CADM2: variants seen among roughly 807,000 people sequenced by gnomAD.
CADM2 encodes cell adhesion molecule 2.
Under a neutral mutation model 49.8 loss-of-function variants are expected in CADM2, and 12 were observed. That is an observed-to-expected ratio of 0.24 (90% CI 0.15 to 0.39). The LOEUF (loss-of-function observed/expected upper bound fraction) is 0.39, where lower values mean the gene tolerates loss of function less well. Ranked by LOEUF, CADM2 falls within the 10% of genes least tolerant of loss-of-function variation. CADM2 has a pLI of 1.00. For missense variants in CADM2, 378 were observed against 492.3 expected, an observed-to-expected ratio of 0.77 and a Z score of 2.20; for synonymous variants, 214 against 175.4, an observed-to-expected ratio of 1.22 and a Z score of -1.74.
At chr3:85,828,577 T>G (rs1378658083) in intron 3 of CADM2, among the ~76,000 whole-genome samples, 1 of 151,954 alleles carries the variant, frequency 6.6e-6, no homozygotes, top group Non-Finnish European at 1.5e-5. Context: ...TACCTATGTC[T>G]ATATATCGTT....
intron 1 of CADM2, among the ~76,000 whole-genome samples, chr3:85,025,034 G>T (rs2034666786): frequency 6.6e-6 from 1 of 151,734 alleles, no homozygotes; most frequent in Non-Finnish European, 1.5e-5. Context: ...ATTTAAGCCA[G>T]GTTTTTCTAT....
At chr3:85,371,473 C>G (rs1407294077) in intron 1 of CADM2, among the ~76,000 whole-genome samples, 1 of 151,620 alleles carries the variant, frequency 6.6e-6, no homozygotes, top group African/African-American at 2.4e-5. Flanking sequence ...TAATAGGTTA[C>G]ACCATACAGC....
chr3:85,423,103 G>A lies in CADM2; in HGVS notation c.62-303419G>A, dbSNP rs75383946. Among the ~76,000 whole-genome samples the A allele has an allele frequency of 8.3e-4, 126 of 152,180 alleles. No homozygotes were observed. The East Asian group carries it at 0.022, about 26-fold the overall frequency. ...TGGAGAGGGGATGGAGTGGGAAAAT[G>A]ATCTTCCCCCGGAGTTCGGCCATCC... is the stretch of plus-strand genomic sequence containing the variant. On this transcript the variant is annotated intron_variant, in intron 1 of 9. Transcript: ENST00000383699.
intron 1 of CADM2, among the ~76,000 whole-genome samples, chr3:85,206,825 A>T (rs564790856): frequency 6.6e-6 from 1 of 152,214 alleles, no homozygotes; most frequent in East Asian, 1.9e-4. Flanking sequence ...CTTAAAATTT[A>T]TTAAATATTA....
chr3:85,240,817 T>A (rs903866865), intron 1 of CADM2, among the ~76,000 whole-genome samples: 2 of 151,574 alleles, frequency 1.3e-5, no homozygotes, highest in African/African-American at 4.8e-5. Context: ...TTTTGTCATC[T>A]TAACTTTTTC....
chr3:85,400,699 T>A (rs866244726), intron 1 of CADM2, among the ~76,000 whole-genome samples: 1 of 97,138 alleles, frequency 1.0e-5, no homozygotes, highest in South Asian at 3.9e-4. Context: ...TGTCCAGGAA[T>A]GTATCAGTTT....
chr3:85,392,336 C>T lies in CADM2; in HGVS notation c.62-334186C>T, dbSNP rs114259413. ...CTTGAGGCTTTTCTATCAATGCAGC[C>T]ACATAACTGTGTTGTTACACAGGCT... On this transcript the variant is annotated intron_variant, in intron 1 of 9. Coordinates refer to ENST00000383699, the MANE Select transcript of CADM2 (RefSeq NM_001167675.2). Among the ~76,000 whole-genome samples the T allele has an allele frequency of 9.0e-3, 1,369 of 152,020 alleles. 17 individuals are homozygous for T. The highest frequency in any genetic ancestry group is 0.03 in the African/African-American group (1,240 of 41,498).
At chr3:85,035,936 G>A (rs554042324) in intron 1 of CADM2, among the ~76,000 whole-genome samples, 19 of 152,192 alleles carry the variant, frequency 1.2e-4, no homozygotes, top group African/African-American at 3.4e-4. Flanking sequence ...ATAAATAATC[G>A]TAACTGCTGT....
At chr3:85,448,741 C>A (rs754415653) in intron 1 of CADM2, among the ~76,000 whole-genome samples, 10 of 152,008 alleles carry the variant, frequency 6.6e-5, no homozygotes, top group Non-Finnish European at 1.2e-4. Context: ...TCTCAAAATT[C>A]TCCACTTTTT....
chr3:85,886,268 C>T lies in CADM2; in HGVS notation c.470C>T (p.Thr157Ile), dbSNP rs1379546527. 6.2e-7 allele frequency: 1 copy of T among 1,613,754 alleles called. No homozygotes were observed. Among genetic ancestry groups the T allele is most frequent in the East Asian group, 2.2e-5 (1 of 44,846 alleles). The change falls in exon 5 of 10, where the codon ACA (threonine) becomes ATA (isoleucine). Residue 157 changes from threonine to isoleucine, a missense_variant. Physicochemically the swap from Thr to Ile is moderately conservative, Grantham distance 89 (BLOSUM62 -1). Coordinates refer to ENST00000383699, the MANE Select transcript of CADM2 (RefSeq NM_001167675.2). ...EGDLMQLTCK[T>I]SGSKPAADIR... Reference sequence around the variant, plus strand: ...GACTTGATGCAGCTGACTTGCAAAACATCTGGTAGTAAACCTGCAGCTGAT... The same window carrying T: ...GACTTGATGCAGCTGACTTGCAAAATATCTGGTAGTAAACCTGCAGCTGAT...
intron 1 of CADM2, among the ~76,000 whole-genome samples, chr3:85,154,002 A>G (rs2040017685): frequency 6.6e-6 from 1 of 152,190 alleles, no homozygotes; most frequent in Non-Finnish European, 1.5e-5. Flanking sequence ...AACAGAGCAG[A>G]AAAACTGGAA....
At chr3:85,004,865 A>G (rs1423574107) in intron 1 of CADM2, among the ~76,000 whole-genome samples, 2 of 152,178 alleles carry the variant, frequency 1.3e-5, no homozygotes, top group African/African-American at 4.8e-5. Context: ...GTCTTTTCAA[A>G]AGCTTTGTCT....
intron 8 of CADM2, among the ~76,000 whole-genome samples, chr3:86,009,209 A>G (rs1020211010): frequency 2.8e-5 from 4 of 143,402 alleles, no homozygotes; most frequent in African/African-American, 7.8e-5. Flanking sequence ...ATATATGTGT[A>G]TGTGTGTGTA....
intron 1 of CADM2, among the ~76,000 whole-genome samples, chr3:85,496,936 C>T (rs1205849622): frequency 6.6e-6 from 1 of 152,136 alleles, no homozygotes; most frequent in Non-Finnish European, 1.5e-5. Flanking sequence ...CTCCAACGCC[C>T]GGGCTCAAGG....
At chr3:85,574,267 G>A (rs1482370098) in intron 1 of CADM2, among the ~76,000 whole-genome samples, 1 of 152,238 alleles carries the variant, frequency 6.6e-6, no homozygotes, top group Non-Finnish European at 1.5e-5. Context: ...ACAAAGGATG[G>A]ATTTGCTTTA....
At chr3:86,066,629 C>T (rs768735742) in intron 9 of CADM2, 36 bp from the exon 10 acceptor site, 12 of 1,464,776 alleles carry the variant, frequency 8.2e-6, no homozygotes, top group South Asian at 1.1e-5. Flanking sequence ...TTACCAGTCT[C>T]ACAGAGCTAA....
At chr3:85,595,063 T>C (rs1170526416) in intron 1 of CADM2, among the ~76,000 whole-genome samples, 1 of 152,042 alleles carries the variant, frequency 6.6e-6, no homozygotes, top group Non-Finnish European at 1.5e-5. Flanking sequence ...TAACAAGTAC[T>C]TCTCCCAAGG....
intron 8 of CADM2, among the ~76,000 whole-genome samples, chr3:86,056,918 TAA>T (rs965684034): frequency 2.6e-5 from 4 of 152,282 alleles, no homozygotes; most frequent in Admixed American, 2.6e-4. Context: ...GAGGAAAGAT[TAA>T]GTTTTGTGTT....
At chr3:85,771,662 A>G (rs1217276137) in intron 2 of CADM2, among the ~76,000 whole-genome samples, 1 of 152,130 alleles carries the variant, frequency 6.6e-6, no homozygotes, top group East Asian at 1.9e-4. Context: ...AAAGGGTCTA[A>G]AAAGGGTCTC....
Sources: allele counts gnomAD v4.1 joint callset (sites outside exome capture counted in the v4.1 genomes callset), GRCh38; gene constraint gnomAD v4.1.1; transcripts MANE v1.5; gene names NCBI Gene and HGNC (gene_info 2026-07-23, HGNC 2026-07-21).